DMD: variants seen among roughly 807,000 people sequenced by gnomAD.
DMD encodes mutant dystrophin.
In DMD, 63 loss-of-function variants were observed where a neutral mutation model predicts 330.1. That is an observed-to-expected ratio of 0.19 (90% CI 0.16 to 0.24). The LOEUF (loss-of-function observed/expected upper bound fraction) is 0.24, where lower values mean the gene tolerates loss of function less well. DMD is among the 10% of genes least tolerant of loss of function. The pLI, the probability that DMD is intolerant of heterozygous loss-of-function variation, is 1.00. For missense variants in DMD, 3,344 were observed against 2,684.1 expected, an observed-to-expected ratio of 1.25 and a Z score of -5.43; for synonymous variants, 1,223 against 959.8, an observed-to-expected ratio of 1.27 and a Z score of -5.07.
chrX:33,010,323 A>T (rs1304246678), intron 2 of DMD, among the ~76,000 whole-genome samples: 1 of 105,685 alleles, frequency 9.5e-6, no homozygotes. Flanking sequence ...TATGTGTATA[A>T]ATATGTATAT....
At position 32,441,143 on chromosome X, in the gene DMD, T is replaced by C; in HGVS notation, c.3921+37A>G. ...GTACTTGACCTCTTTTAATACTGCA[T>C]ATAAATTATCATCATTTGGCTTAAT... On this transcript the variant is annotated intron_variant, in intron 28 of 78. Coordinates refer to ENST00000357033, the MANE Select transcript of DMD (RefSeq NM_004006.3). 4.2e-6 allele frequency: 5 copies of C among 1,196,322 alleles called. No individual in the cohort carries two copies. In the South Asian group the frequency reaches 7.1e-5, roughly 17 times the overall value.
chrX:33,195,748 GTGTGTGTGTGTGTGTGT>G (rs2148811547), intron 1 of DMD, among the ~76,000 whole-genome samples: 1 of 77,230 alleles, frequency 1.3e-5, no homozygotes, highest in Admixed American at 1.4e-4. Context: ...GTGTGTGTGT[GTGTGTGTGTGTGTGTGT>G]GTACAAAATA....
intron 44 of DMD, among the ~76,000 whole-genome samples, chrX:32,068,373 CATTT>C (rs1808875386): frequency 1.7e-5 from 1 of 60,501 alleles, no homozygotes; most frequent in Non-Finnish European, 2.9e-5. Flanking sequence ...CCTTGCTTGT[CATTT>C]TTTTTTTTTT....
chrX:32,715,379 A>G (rs1203974800), intron 7 of DMD, among the ~76,000 whole-genome samples: 2 of 100,655 alleles, frequency 2.0e-5, no homozygotes, highest in African/African-American at 7.4e-5. Context: ...CAGGAGGCTG[A>G]GGCAGGAGAA....
At position 31,121,757 on chromosome X, in the gene DMD, T is replaced by C; in HGVS notation, c.*162A>G. ...CACAAAAATATAGATTTATTTCTTG[T>C]AAACTCTTACTGTCTAATCCTCTTT... On this transcript the variant is annotated 3_prime_UTR_variant, in exon 79 of 79. Transcript: ENST00000357033. 1.3e-6 allele frequency: 1 copy of C among 768,196 alleles called. No homozygotes were observed. The highest frequency in any genetic ancestry group is 2.0e-6 in the Non-Finnish European group (1 of 495,795). The allele number at this position is 768,196 out of a possible 1,213,427, so 63.3% of individuals were successfully genotyped here.
At chrX:31,764,426 T>C (rs1376938563) in intron 51 of DMD, among the ~76,000 whole-genome samples, 1 of 111,729 alleles carries the variant, frequency 9.0e-6, no homozygotes, top group African/African-American at 3.3e-5. Flanking sequence ...TTTCGTATAA[T>C]ATAACATGAC....
At chrX:31,585,938 T>C (rs1385157936) in intron 55 of DMD, among the ~76,000 whole-genome samples, 4 of 111,112 alleles carry the variant, frequency 3.6e-5, no homozygotes, top group African/African-American at 1.3e-4. Flanking sequence ...TTTGTTTTTG[T>C]TTGTTTGTTT....
chrX:33,259,607 CCCAA>C (rs2052920288), intron 1 of DMD, among the ~76,000 whole-genome samples: 2 of 72,953 alleles, frequency 2.7e-5, no homozygotes, highest in South Asian at 1.1e-3. Flanking sequence ...GCCCCCCCCC[CCCAA>C]AAAAAAAAAG....
chrX:32,835,567 C>G (rs1005442772), intron 4 of DMD, among the ~76,000 whole-genome samples: 1 of 112,328 alleles, frequency 8.9e-6, no homozygotes, highest in Non-Finnish European at 1.9e-5. Context: ...TAACTTCATG[C>G]TAAAACAGCC....
intron 64 of DMD, among the ~76,000 whole-genome samples, chrX:31,213,265 C>T (rs1254459281): frequency 8.9e-6 from 1 of 112,805 alleles, no homozygotes; most frequent in Non-Finnish European, 1.9e-5. Context: ...GGTCAAAGCA[C>T]TTGCTTTTCA....
chrX:32,936,834 A>C (rs769258211), intron 2 of DMD, among the ~76,000 whole-genome samples: 7 of 112,140 alleles, frequency 6.2e-5, no homozygotes, highest in Admixed American at 9.5e-5. Context: ...ATATAAGGGA[A>C]TCATTACAGG....
intron 44 of DMD, among the ~76,000 whole-genome samples, chrX:32,046,011 C>A (rs981984864): frequency 8.9e-6 from 1 of 111,775 alleles, no homozygotes; most frequent in Non-Finnish European, 1.9e-5. Context: ...CTCAAAGGGG[C>A]AAGCAAAGGA....
chrX:32,704,541 A>C (rs185030582), intron 7 of DMD, among the ~76,000 whole-genome samples: 1 of 112,166 alleles, frequency 8.9e-6, no homozygotes, highest in East Asian at 2.8e-4. Flanking sequence ...AATGCATAGC[A>C]TGTGTAATTG....
At chrX:32,690,888 C>A (rs937612178) in intron 9 of DMD, among the ~76,000 whole-genome samples, 4 of 111,324 alleles carry the variant, frequency 3.6e-5, no homozygotes, top group Admixed American at 9.6e-5. Flanking sequence ...CATAAAACTC[C>A]TAGAAGAAAA....
At chrX:33,254,377 C>A (rs2148899677) in intron 1 of DMD, among the ~76,000 whole-genome samples, 1 of 110,456 alleles carries the variant, frequency 9.1e-6, no homozygotes, top group South Asian at 3.7e-4. Context: ...ATTGTATTAA[C>A]AAATTCTAAA....
chrX:31,694,241 C>T (rs1011535304), intron 52 of DMD, among the ~76,000 whole-genome samples: 3 of 110,717 alleles, frequency 2.7e-5, no homozygotes, highest in South Asian at 3.8e-4. Flanking sequence ...ACCCCTTATA[C>T]AAGAATCAAC....
intron 44 of DMD, among the ~76,000 whole-genome samples, chrX:32,124,030 T>C (rs760390558): frequency 4.3e-3 from 488 of 112,220 alleles, no homozygotes; most frequent in Non-Finnish European, 7.3e-3. Context: ...AGAAATACCA[T>C]ATATGGAATC....
intron 60 of DMD, among the ~76,000 whole-genome samples, chrX:31,388,003 G>T (rs1602394954): frequency 3.0e-5 from 3 of 98,363 alleles, no homozygotes; most frequent in East Asian, 3.1e-4. Context: ...TTGTTTTTCG[G>T]TTTTTTTTTT....
Position 32,089,622 on chromosome X carries a change from T to C in DMD, c.6439-121108A>G, listed in dbSNP as rs369840031. On this transcript the variant is annotated intron_variant, in intron 44 of 78. Coordinates refer to ENST00000357033, the MANE Select transcript of DMD (RefSeq NM_004006.3). Reference sequence around the variant, plus strand: ...GTCGCTGCAAAGGACATGATCTCATTCTTTTTCATGGCCACATAGTATTCC... The same window carrying C: ...GTCGCTGCAAAGGACATGATCTCATCCTTTTTCATGGCCACATAGTATTCC... 4.5e-5 allele frequency among the ~76,000 whole-genome samples: 5 copies of C among 112,133 alleles called. No individual in the cohort carries two copies. In the East Asian group the frequency reaches 1.1e-3, roughly 25 times the overall value.
Sources: allele counts gnomAD v4.1 joint callset (sites outside exome capture counted in the v4.1 genomes callset), GRCh38; gene constraint gnomAD v4.1.1; transcripts MANE v1.5; gene names NCBI Gene and HGNC (gene_info 2026-07-23, HGNC 2026-07-21).